Variants in RALGPS2 observed in about 807,000 individuals in gnomAD.
RALGPS2 encodes the protein Ral GEF with PH domain and SH3 binding motif 2, also known as ras-specific guanine nucleotide-releasing factor RalGPS2.
Under a neutral mutation model 86.8 loss-of-function variants are expected in RALGPS2, and 43 were observed. That is an observed-to-expected ratio of 0.50 (90% CI 0.39 to 0.64). RALGPS2 has a LOEUF of 0.64. Ranked by LOEUF, RALGPS2 falls within the 30% of genes least tolerant of loss-of-function variation. The pLI is 0.00. For synonymous variants in RALGPS2, 243 were observed against 231.3 expected (o/e 1.05, Z -0.46); for missense variants, 536 against 694.6 (o/e 0.77, Z 2.57).
intron 4 of RALGPS2, among the ~76,000 whole-genome samples, chr1:178,790,186 G>T (rs1329055469): frequency 6.6e-6 from 1 of 151,934 alleles, no homozygotes; most frequent in Non-Finnish European, 1.5e-5. Flanking sequence ...TCCAAGGCTC[G>T]AGTGATCCTT....
At chr1:178,772,069 A>G (rs537689829) in intron 1 of RALGPS2, among the ~76,000 whole-genome samples, 1 of 152,158 alleles carries the variant, frequency 6.6e-6, no homozygotes, top group Non-Finnish European at 1.5e-5. Context: ...CAGCACTGCC[A>G]TGTTGTTTTT....
intron 8 of RALGPS2, among the ~76,000 whole-genome samples, chr1:178,874,983 A>G (rs1051425419): frequency 7.2e-5 from 11 of 152,242 alleles, no homozygotes; most frequent in African/African-American, 2.4e-4. Flanking sequence ...TTTCATTTAA[A>G]TTATTAAATT....
At chr1:178,802,661 A>G (rs1443602338) in intron 4 of RALGPS2, among the ~76,000 whole-genome samples, 2 of 152,134 alleles carry the variant, frequency 1.3e-5, no homozygotes, top group Non-Finnish European at 2.9e-5. Context: ...TTATAGTAGA[A>G]CAGTATGTAC....
chr1:178,735,391 T>G (rs1291569929), intron 1 of RALGPS2, among the ~76,000 whole-genome samples: 1 of 152,022 alleles, frequency 6.6e-6, no homozygotes, highest in Non-Finnish European at 1.5e-5. Flanking sequence ...AAGAGGGACC[T>G]TCTAGAGTGC....
chr1:178,852,134 T>C (rs1657213021), intron 8 of RALGPS2, among the ~76,000 whole-genome samples: 1 of 152,180 alleles, frequency 6.6e-6, no homozygotes, highest in Admixed American at 6.5e-5. Flanking sequence ...ATCCTTCATT[T>C]CTTGCGACTC....
chr1:178,783,837 A>G (rs1394761930), intron 2 of RALGPS2, among the ~76,000 whole-genome samples: 2 of 152,134 alleles, frequency 1.3e-5, no homozygotes, highest in South Asian at 2.1e-4. Flanking sequence ...CTTTCATTCT[A>G]TGTATAGCCA....
At chr1:178,788,845 CT>C (rs1246950827) in intron 4 of RALGPS2, among the ~76,000 whole-genome samples, 811 of 28,378 alleles carry the variant, frequency 0.029, 1 homozygote, top group African/African-American at 0.055. Flanking sequence ...TTCTTTCTTT[CT>C]TTTCTTTTCT....
chr1:178,746,903 C>A, intron 1 of RALGPS2: 2 of 1,122,570 alleles, frequency 1.8e-6, no homozygotes, highest in Non-Finnish European at 2.7e-6. Flanking sequence ...TATTCTGTTC[C>A]TATTGTATTT....
chr1:178,853,585 C>T, intron 8 of RALGPS2: 1 of 1,582,282 alleles, frequency 6.3e-7, no homozygotes, highest in African/African-American at 1.4e-5. Context: ...GTCTGCATCA[C>T]TGATTTACCT....
At chr1:178,856,020 GTA>G (rs1390600217) in intron 8 of RALGPS2, among the ~76,000 whole-genome samples, 1 of 148,676 alleles carries the variant, frequency 6.7e-6, no homozygotes. Flanking sequence ...AACAAAGAAT[GTA>G]TAAAAATTCT....
intron 1 of RALGPS2, among the ~76,000 whole-genome samples, chr1:178,762,396 G>A (rs1301331193): frequency 2.0e-5 from 3 of 152,164 alleles, no homozygotes; most frequent in South Asian, 2.1e-4. Flanking sequence ...GGGTTGAATG[G>A]CAGTTCTGCT....
chr1:178,895,257 G>T (rs541621154), intron 16 of RALGPS2, among the ~76,000 whole-genome samples: 35 of 152,078 alleles, frequency 2.3e-4, no homozygotes, highest in Non-Finnish European at 4.6e-4. Flanking sequence ...CTTCATATAA[G>T]TAATCTTATT....
intron 18 of RALGPS2, among the ~76,000 whole-genome samples, chr1:178,903,132 T>C (rs1186404946): frequency 1.3e-5 from 2 of 152,116 alleles, no homozygotes; most frequent in African/African-American, 4.8e-5. Flanking sequence ...CTTTCAGCAG[T>C]TCACAACTGG....
chr1:178,772,882 A>G (rs1479175399), intron 1 of RALGPS2, among the ~76,000 whole-genome samples: 2 of 152,074 alleles, frequency 1.3e-5, no homozygotes, highest in Non-Finnish European at 2.9e-5. Context: ...GCTCACTGCA[A>G]CCTCTGCCTC....
intron 19 of RALGPS2, among the ~76,000 whole-genome samples, chr1:178,910,778 A>G (rs1053862204): frequency 6.6e-6 from 1 of 152,162 alleles, no homozygotes; most frequent in African/African-American, 2.4e-5. Flanking sequence ...GCTTCATGGA[A>G]TGAGTTAGGG....
intron 10 of RALGPS2, among the ~76,000 whole-genome samples, chr1:178,882,978 T>C (rs1311031930): frequency 6.6e-6 from 1 of 152,260 alleles, no homozygotes; most frequent in Non-Finnish European, 1.5e-5. Flanking sequence ...AATTTAAATG[T>C]AAAGTATCAG....
chr1:178,817,554 A>G (rs993387162), intron 6 of RALGPS2, among the ~76,000 whole-genome samples: 2 of 152,036 alleles, frequency 1.3e-5, no homozygotes, highest in African/African-American at 4.8e-5. Flanking sequence ...GCAATCTGAT[A>G]GTGTTCTAAT....
At chr1:178,731,141 G>A (rs1337078431) in intron 1 of RALGPS2, among the ~76,000 whole-genome samples, 2 of 152,022 alleles carry the variant, frequency 1.3e-5, no homozygotes, top group African/African-American at 4.8e-5. Context: ...TTTGTGAGAT[G>A]TGTGTATTGC....
At chr1:178,836,954 T>A (rs939342499) in intron 8 of RALGPS2, among the ~76,000 whole-genome samples, 1 of 151,864 alleles carries the variant, frequency 6.6e-6, no homozygotes, top group Non-Finnish European at 1.5e-5. Context: ...AATTTTAAAA[T>A]TTTTTTTGTA....
Sources: gnomAD v4.1 joint callset for allele counts (sites outside exome capture counted in the v4.1 genomes callset) on GRCh38, gnomAD v4.1.1 for gene constraint, MANE v1.5 for transcripts, NCBI Gene and HGNC (gene_info 2026-07-23, HGNC 2026-07-21) for gene names.